The following JAKMIP3 variants were observed in gnomAD, a reference collection of about 807,000 sequenced individuals.
JAKMIP3 encodes the protein janus kinase and microtubule-interacting protein 3.
A neutral mutation model predicts 118.5 loss-of-function variants in JAKMIP3; 58 were observed. The ratio of observed to expected loss-of-function variants is 0.49; its 90% CI spans 0.40 to 0.61. The LOEUF (loss-of-function observed/expected upper bound fraction) is 0.61, where lower values mean the gene tolerates loss of function less well. Ranked by LOEUF, JAKMIP3 falls within the 20% of genes least tolerant of loss-of-function variation. The pLI is 0.00. For missense variants in JAKMIP3, 950 were observed against 1,109.0 expected (o/e 0.86, Z 2.04); for synonymous variants, 486 against 451.2 (o/e 1.08, Z -0.98).
intron 1 of JAKMIP3, among the ~76,000 whole-genome samples, chr10:132,077,286 T>C (rs7086832): frequency 0.17 from 26,111 of 151,962 alleles, 2,760 homozygotes; most frequent in East Asian, 0.31. Context: ...CGAAAGAGGG[T>C]TCTGGGCAGG....
rs746404301 is a variant in JAKMIP3, at chr10:132,137,258, T to C, written c.1253T>C (p.Leu418Pro). Residue 418 changes from leucine to proline, a missense_variant, in exon 8 of 24, where the codon CTT becomes CCT. Leu to Pro is a moderately conservative substitution (Grantham distance 98). Coordinates refer to ENST00000684848, the MANE Select transcript of JAKMIP3 (RefSeq NM_001323087.2). ...CATGCTGTCTTCCTTTCCTAGACCCTTGAGACCGCCGGCTACGTGAAGAGC... is the reference window on the plus strand; with the variant it reads ...CATGCTGTCTTCCTTTCCTAGACCCCTGAGACCGCCGGCTACGTGAAGAGC... ...QNLIDELSKT[L>P]ETAGYVKSVL... 2 of 1,613,916 alleles carry C rather than the reference T, an allele frequency of 1.2e-6. No individual in the cohort carries two copies. Among genetic ancestry groups the C allele is most frequent in the Non-Finnish European group, 1.7e-6 (2 of 1,179,882 alleles).
At chr10:132,154,927 A>T (rs948937123) in intron 19 of JAKMIP3, among the ~76,000 whole-genome samples, 1 of 85,562 alleles carries the variant, frequency 1.2e-5, no homozygotes, top group Non-Finnish European at 2.5e-5. Flanking sequence ...TGGTAGTGGG[A>T]TGGTGATGAT....
At chr10:132,124,888 T>G (rs1432388200) in intron 3 of JAKMIP3, among the ~76,000 whole-genome samples, 2 of 152,242 alleles carry the variant, frequency 1.3e-5, no homozygotes, top group African/African-American at 4.8e-5. Flanking sequence ...TGCCATTTCT[T>G]TAGGACAGCG....
At chr10:132,153,852 C>G (rs2056651476) in intron 18 of JAKMIP3, 25 bp downstream of exon 18, 2 of 1,613,026 alleles carry the variant, frequency 1.2e-6, no homozygotes, top group Non-Finnish European at 1.7e-6. Context: ...CACCGAGGTT[C>G]TGCGGCTCGG....
intron 1 of JAKMIP3, among the ~76,000 whole-genome samples, chr10:132,055,036 T>C (rs2038202305): frequency 6.6e-6 from 1 of 152,086 alleles, no homozygotes; most frequent in South Asian, 2.1e-4. Context: ...TCCGGTGCAC[T>C]TGGAAGGTGT....
rs184134696 is a variant in JAKMIP3 at position 132,046,225 on chromosome 10, C to T, written c.-138+9487C>T. On this transcript the variant is annotated intron_variant, in intron 1 of 23. Transcript: ENST00000657785. ...ATCCCAGCACTCTGGGAGGCCGAGGCGGGCAGATCACAAGGTCAGGAGATC... is the reference window on the plus strand; with the variant it reads ...ATCCCAGCACTCTGGGAGGCCGAGGTGGGCAGATCACAAGGTCAGGAGATC... Among the ~76,000 whole-genome samples the T allele has an allele frequency of 2.9e-3, 434 of 152,238 alleles. 2 individuals carry two copies. The highest frequency in any genetic ancestry group is 6.8e-3 in the Middle Eastern group (2 of 294).
intron 3 of JAKMIP3, among the ~76,000 whole-genome samples, chr10:132,125,559 A>C (rs922085771): frequency 9.2e-5 from 14 of 152,346 alleles, no homozygotes; most frequent in Admixed American, 7.2e-4. Flanking sequence ...TTCTGTATGA[A>C]ACTTAAATCA....
At chr10:132,097,948 CCATCCCCT>C (rs2044206124) in intron 1 of JAKMIP3, among the ~76,000 whole-genome samples, 4 of 38,760 alleles carry the variant, frequency 1.0e-4, no homozygotes, top group Non-Finnish European at 1.7e-4. Flanking sequence ...TTTCCCTTTC[CCATCCCCT>C]TTCCCTTTCC....
chr10:132,145,908 T>C (rs2054507191), intron 13 of JAKMIP3, among the ~76,000 whole-genome samples: 1 of 152,156 alleles, frequency 6.6e-6, no homozygotes, highest in Non-Finnish European at 1.5e-5. Flanking sequence ...CAGAGGAGCT[T>C]TATTGAGACC....
intron 16 of JAKMIP3, among the ~76,000 whole-genome samples, chr10:132,152,104 C>T (rs1035267397): frequency 2.0e-5 from 3 of 152,240 alleles, no homozygotes; most frequent in Admixed American, 6.5e-5. Flanking sequence ...GATGAGGGCA[C>T]CTGGCCCCAG....
rs1350788447 is a variant in JAKMIP3 at position 132,049,115 on chromosome 10, T to C, written c.-138+12377T>C. On this transcript the variant is annotated intron_variant, in intron 1 of 23. Coordinates refer to the JAKMIP3 transcript ENST00000657785. This position sits in a 1 kb window ranked among gnomAD's most constrained non-coding sequence, Gnocchi z 4.3. ...CCTTTTTGCCTGGAAGCCTTGAGGA[T>C]TTTATCTTTAGCTCTGAAATGGAAT... is the stretch of plus-strand genomic sequence containing the variant. Among the ~76,000 whole-genome samples, 5 of 152,162 alleles carry C rather than the reference T, an allele frequency of 3.3e-5. No individual in the cohort carries two copies. The highest frequency in any genetic ancestry group is 7.4e-5 in the Non-Finnish European group (5 of 68,024).
At chr10:132,077,043 T>C (rs1279676912) in intron 1 of JAKMIP3, among the ~76,000 whole-genome samples, 1 of 152,178 alleles carries the variant, frequency 6.6e-6, no homozygotes, top group East Asian at 1.9e-4. Context: ...AGGTCTGTGG[T>C]GGCCACACTG....
chr10:132,077,256 C>G (rs1589758666), intron 1 of JAKMIP3, among the ~76,000 whole-genome samples: 2 of 152,182 alleles, frequency 1.3e-5, no homozygotes, highest in East Asian at 3.9e-4. Flanking sequence ...GTTTGCTGTG[C>G]TTCCCCCAGT....
upstream of JAKMIP3, among the ~76,000 whole-genome samples, chr10:132,061,578 TG>T (rs1288291072): frequency 6.6e-6 from 1 of 152,170 alleles, no homozygotes; most frequent in Non-Finnish European, 1.5e-5. Flanking sequence ...AGAGGCACGT[TG>T]GGGCAGAGCT....
chr10:132,156,292 G>C (rs765666216), intron 19 of JAKMIP3, among the ~76,000 whole-genome samples: 3 of 152,120 alleles, frequency 2.0e-5, no homozygotes, highest in Non-Finnish European at 2.9e-5. Context: ...CCTCCATCCT[G>C]CTCATGCTGA....
chr10:132,038,892 G>T (rs1485550461), intron 1 of JAKMIP3, among the ~76,000 whole-genome samples: 1 of 152,008 alleles, frequency 6.6e-6, no homozygotes, highest in Non-Finnish European at 1.5e-5. Context: ...GTGTCCCCCT[G>T]TTAGGGTACA....
rs148832483 is a variant in JAKMIP3 at position 132,047,423 on chromosome 10, G to A, written c.-138+10685G>A. ...AGGAGTAGGGCATGACTGCTGCTTC[G>A]TTTTAATGTGTCTCTGGGCCTGATC... is the stretch of plus-strand genomic sequence containing the variant. On this transcript the variant is annotated intron_variant, in intron 1 of 23. Transcript: ENST00000657785. Among the ~76,000 whole-genome samples, 633 of 152,280 alleles carry A rather than the reference G, an allele frequency of 4.2e-3. 2 individuals carry two copies. The highest frequency in any genetic ancestry group is 0.015 in the African/African-American group (608 of 41,556).
upstream of JAKMIP3, among the ~76,000 whole-genome samples, chr10:132,062,737 G>A (rs2038439458): frequency 6.6e-6 from 1 of 152,248 alleles, no homozygotes; most frequent in Admixed American, 6.5e-5. Context: ...TCAGTCATGA[G>A]ACAGAGGGAC....
In JAKMIP3 at chr10:132,044,317, C is replaced by G. The variant is rs1472910049; in HGVS notation, c.-138+7579C>G. On this transcript the variant is annotated intron_variant, in intron 1 of 23. Coordinates refer to the JAKMIP3 transcript ENST00000657785. This position sits in a 1 kb window ranked among gnomAD's most constrained non-coding sequence, Gnocchi z 5.3. ...TCAACACAGACACAGTCCCTGCCTG[C>G]TGGGAGTGGCCAGTGGCTGAGACAG... Among the ~76,000 whole-genome samples the G allele has an allele frequency of 6.6e-6, 1 of 152,236 alleles. No individual in the cohort carries two copies. Among genetic ancestry groups the G allele is most frequent in the Non-Finnish European group, 1.5e-5 (1 of 68,034 alleles).
Sources: gnomAD v4.1 joint callset for allele counts (sites outside exome capture counted in the v4.1 genomes callset) on GRCh38, gnomAD v4.1.1 for gene constraint, Gnocchi (gnomAD v3.1) non-coding constraint, MANE v1.5 for transcripts, NCBI Gene and HGNC (gene_info 2026-07-23, HGNC 2026-07-21) for gene names.